Variants in DAB1 observed in about 807,000 individuals in gnomAD.
DAB1 encodes the protein disabled homolog 1.
DAB1 carries 15 observed loss-of-function variants against 64.6 expected under a neutral mutation model. The observed-to-expected ratio is 0.23, with a 90% confidence interval of 0.16 to 0.36. The LOEUF (loss-of-function observed/expected upper bound fraction) is 0.36. Among genes scored for constraint, DAB1 ranks in the 10% least tolerant of loss-of-function variants. The probability of loss-of-function intolerance (pLI) is 1.00; values close to 1 mark genes in which losing one functional copy is unlikely to be tolerated. For missense variants in DAB1, 596 were observed against 706.7 expected (o/e 0.84, Z 1.78); for synonymous variants, 235 against 251.9 (o/e 0.93, Z 0.64).
At chr1:57,320,383 C>T (rs1675605226) in intron 1 of DAB1, among the ~76,000 whole-genome samples, 1 of 152,148 alleles carries the variant, frequency 6.6e-6, no homozygotes, top group Non-Finnish European at 1.5e-5. Flanking sequence ...TGTTTATGTT[C>T]ACTAATAGCC....
At chr1:58,007,082 T>G (rs557058456) in intron 5 of DAB1, among the ~76,000 whole-genome samples, 109 of 152,264 alleles carry the variant, frequency 7.2e-4, no homozygotes, top group African/African-American at 2.6e-3. Context: ...GAAAAATGTG[T>G]GATTTAAGCT....
intron 3 of DAB1, among the ~76,000 whole-genome samples, chr1:58,390,464 T>C (rs1165215188): frequency 6.6e-6 from 1 of 152,194 alleles, no homozygotes; most frequent in African/African-American, 2.4e-5. Flanking sequence ...GACCTGTGTC[T>C]GCTCAATTCC....
intron 3 of DAB1, among the ~76,000 whole-genome samples, chr1:58,387,713 T>TTTTC (rs1226273245): frequency 1.8e-5 from 2 of 113,752 alleles, no homozygotes; most frequent in African/African-American, 8.2e-5. Flanking sequence ...TCTTTTTTTC[T>TTTTC]TTTCTTTTCT....
intron 5 of DAB1, among the ~76,000 whole-genome samples, chr1:58,006,974 AGTTT>A (rs1290578526): frequency 1.3e-5 from 2 of 152,284 alleles, no homozygotes; most frequent in Admixed American, 6.5e-5. Context: ...TACAGATGTT[AGTTT>A]ATTATGTACA....
At chr1:58,093,769 G>C (rs931707397) in intron 5 of DAB1, among the ~76,000 whole-genome samples, 3 of 152,082 alleles carry the variant, frequency 2.0e-5, no homozygotes, top group Non-Finnish European at 4.4e-5. Flanking sequence ...ACCAATATGG[G>C]GCATGGAAAC....
intron 3 of DAB1, among the ~76,000 whole-genome samples, chr1:58,414,174 G>A (rs563481578): frequency 6.6e-6 from 1 of 152,314 alleles, no homozygotes; most frequent in East Asian, 1.9e-4. Context: ...CTAATGTGAT[G>A]TATGACTGTT....
chr1:57,286,363 G>GA (rs74371555), intron 2 of DAB1, among the ~76,000 whole-genome samples: 10 of 151,054 alleles, frequency 6.6e-5, no homozygotes, highest in East Asian at 5.8e-4. Context: ...ATAAGAGGGG[G>GA]AAAAAAAACA....
chr1:57,405,904 A>G (rs1271251558), intron 1 of DAB1, among the ~76,000 whole-genome samples: 1 of 152,236 alleles, frequency 6.6e-6, no homozygotes, highest in Non-Finnish European at 1.5e-5. Context: ...AGAAGGCTAC[A>G]CAAAGTAAAG....
chr1:58,086,807 C>T (rs1409826743), intron 5 of DAB1, among the ~76,000 whole-genome samples: 1 of 151,800 alleles, frequency 6.6e-6, no homozygotes, highest in Non-Finnish European at 1.5e-5. Flanking sequence ...GTCAGCAAAC[C>T]CCTATTCACT....
intron 7 of DAB1, among the ~76,000 whole-genome samples, chr1:57,542,208 T>G (rs1339246153): frequency 6.6e-6 from 1 of 152,100 alleles, no homozygotes; most frequent in Non-Finnish European, 1.5e-5. Flanking sequence ...ATAAGTGTTG[T>G]TTATCTTCCT....
intron 4 of DAB1, 35 bp from the exon 5 acceptor site, chr1:57,072,449 G>C (rs745979400): frequency 1.2e-5 from 19 of 1,605,604 alleles, no homozygotes; most frequent in African/African-American, 1.3e-5. Context: ...CATATTTCAG[G>C]GGACTTTCCC....
chr1:58,113,542 A>G (rs972670961), intron 5 of DAB1, among the ~76,000 whole-genome samples: 1 of 152,196 alleles, frequency 6.6e-6, no homozygotes, highest in African/African-American at 2.4e-5. Flanking sequence ...CTTCTGTGTA[A>G]TGAGAGTGTG....
intron 4 of DAB1, among the ~76,000 whole-genome samples, chr1:58,246,094 G>T (rs1660515572): frequency 6.7e-6 from 1 of 148,736 alleles, no homozygotes; most frequent in African/African-American, 2.5e-5. Flanking sequence ...CGTATCGTTT[G>T]AATTTCTAAA....
At chr1:57,836,132 C>T (rs1212614678) in intron 1 of DAB1, among the ~76,000 whole-genome samples, 1 of 152,198 alleles carries the variant, frequency 6.6e-6, no homozygotes, top group Non-Finnish European at 1.5e-5. Context: ...TACCTTACCA[C>T]TACTGCACTT....
intron 5 of DAB1, among the ~76,000 whole-genome samples, chr1:58,104,889 G>A (rs1651541540): frequency 6.6e-6 from 1 of 152,056 alleles, no homozygotes; most frequent in African/African-American, 2.4e-5. Context: ...ATGGGATGTG[G>A]AAATTATTCT....
intron 6 of DAB1, among the ~76,000 whole-genome samples, chr1:57,715,044 AC>A (rs1392899888): frequency 6.6e-6 from 1 of 152,218 alleles, no homozygotes; most frequent in East Asian, 1.9e-4. Flanking sequence ...ATACTAGCAA[AC>A]CAAATTAAAC....
At chr1:57,345,230 C>G (rs1434114384) in intron 1 of DAB1, among the ~76,000 whole-genome samples, 2 of 152,212 alleles carry the variant, frequency 1.3e-5, no homozygotes, top group Admixed American at 6.5e-5. Flanking sequence ...CGTGGATCTG[C>G]CCTTTCCTAC....
intron 3 of DAB1, among the ~76,000 whole-genome samples, chr1:58,469,526 T>C (rs1339696907): frequency 6.6e-6 from 1 of 152,260 alleles, no homozygotes; most frequent in African/African-American, 2.4e-5. Context: ...GCCTTAGTTC[T>C]GTAAACTCCA....
chr1:58,296,666 C>A (rs1227677174), intron 4 of DAB1, among the ~76,000 whole-genome samples: 1 of 152,168 alleles, frequency 6.6e-6, no homozygotes, highest in Non-Finnish European at 1.5e-5. Flanking sequence ...TAGCTCATTT[C>A]TTCTCTATGC....
Sources: gnomAD v4.1 joint callset for allele counts (sites outside exome capture counted in the v4.1 genomes callset) on GRCh38, gnomAD v4.1.1 for gene constraint, MANE v1.5 for transcripts, NCBI Gene and HGNC (gene_info 2026-07-23, HGNC 2026-07-21) for gene names.